The following ELF1 variants were observed in gnomAD, a reference collection of about 807,000 sequenced individuals.
The protein encoded by ELF1 is ETS-related transcription factor Elf-1.
In ELF1, 24 loss-of-function variants were observed where a neutral mutation model predicts 59.9. The observed-to-expected ratio is 0.40, with a 90% CI of 0.29 to 0.56. ELF1 has a LOEUF of 0.56. Ranked by LOEUF, ELF1 falls within the 20% of genes least tolerant of loss-of-function variation. ELF1 has a pLI of 0.44. For synonymous variants in ELF1, 248 were observed against 266.2 expected (o/e 0.93, Z 0.67); for missense variants, 627 against 742.2 (o/e 0.84, Z 1.80).
At position 40,940,908 on chromosome 13, in the gene ELF1, T is replaced by C. The variant is rs779171952; in HGVS notation, c.1256+13A>G. 1.3e-6 allele frequency: 2 copies of C among 1,597,782 alleles called. No homozygotes were observed. Among genetic ancestry groups the C allele is most frequent in the African/African-American group, 2.7e-5 (2 of 74,478 alleles). ...TATTGAAGTGATAAGCATCAGTAGT[T>C]TGGTTTTCTCACCTAATACTCTGAA... On this transcript the variant is annotated intron_variant, in intron 8 of 8. Transcript: ENST00000239882.
intron 1 of ELF1, among the ~76,000 whole-genome samples, chr13:40,985,647 C>T (rs1197438116): frequency 1.3e-5 from 2 of 152,154 alleles, no homozygotes; most frequent in East Asian, 3.8e-4. Flanking sequence ...TACATCAGTG[C>T]CCCTTGAAGT....
At chr13:41,010,457 C>T (rs913437789) in intron 1 of ELF1, among the ~76,000 whole-genome samples, 7 of 133,888 alleles carry the variant, frequency 5.2e-5, no homozygotes, top group South Asian at 2.8e-4. Context: ...ATCTCCCCCC[C>T]ACCCCCCCAA....
At chr13:40,983,270 T>C (rs1254027241) in intron 1 of ELF1, among the ~76,000 whole-genome samples, 1 of 152,218 alleles carries the variant, frequency 6.6e-6, no homozygotes, top group Admixed American at 6.5e-5. Context: ...ACAAACACTT[T>C]AAAAAAGAAG....
chr13:41,056,809 C>T (rs762892778), intron 1 of ELF1, among the ~76,000 whole-genome samples: 2 of 152,110 alleles, frequency 1.3e-5, no homozygotes, highest in Non-Finnish European at 2.9e-5. Context: ...GAGGAAGTCT[C>T]AAGCTAAAGT....
chr13:41,044,426 G>A (rs1210834432), intron 1 of ELF1, among the ~76,000 whole-genome samples: 5 of 152,096 alleles, frequency 3.3e-5, no homozygotes, highest in African/African-American at 1.2e-4. Flanking sequence ...ATTGGCTGTG[G>A]GTTTGTCATA....
chr13:41,050,076 T>A (rs914811830), intron 1 of ELF1, among the ~76,000 whole-genome samples: 2 of 152,186 alleles, frequency 1.3e-5, no homozygotes, highest in Non-Finnish European at 2.9e-5. Context: ...AAGTATACAG[T>A]TCAATAGTCT....
intron 2 of ELF1, 68 bp downstream of exon 2, chr13:40,981,915 A>C: frequency 3.9e-6 from 6 of 1,519,758 alleles, no homozygotes; most frequent in Non-Finnish European, 5.3e-6. Flanking sequence ...TAAAGGAAAT[A>C]ATTTTCTGAT....
chr13:40,938,359 A>C (rs1013049390), intron 8 of ELF1, among the ~76,000 whole-genome samples: 20 of 152,196 alleles, frequency 1.3e-4, no homozygotes, highest in Admixed American at 1.3e-3. Context: ...GCTTAACTGA[A>C]TCAACATAGA....
intron 1 of ELF1, among the ~76,000 whole-genome samples, chr13:41,043,075 T>C (rs1306895517): frequency 1.3e-5 from 2 of 152,260 alleles, no homozygotes; most frequent in East Asian, 3.8e-4. Flanking sequence ...CATTTTTTCA[T>C]GTATCTGTTG....
chr13:41,056,608 C>T (rs1322566276), intron 1 of ELF1, among the ~76,000 whole-genome samples: 2 of 152,118 alleles, frequency 1.3e-5, no homozygotes, highest in Non-Finnish European at 2.9e-5. Context: ...ATAAGGGTTC[C>T]AACTTCTTTA....
rs139235167 is a variant in ELF1 at position 40,933,542 on chromosome 13, G to A, written c.1743C>T (p.Asn581=). The A allele has an allele frequency of 8.1e-5, 131 of 1,614,200 alleles. No individual in the cohort carries two copies. The African/African-American group carries it at 8.7e-4, about 11-fold the overall frequency. ...GTGGCTGCTGCTCCGTTTTCTCAGT[G>A]TTCTCTTTCAAATGATCTTCAGATT... The part of the protein sequence containing the change: ...KKESEDHLKE[N]TEKTEQQPQP... The change falls in exon 9 of 9, where the codon AAC becomes AAT. Residue 581 remains asparagine, a synonymous_variant. Coordinates refer to ENST00000239882, the MANE Select transcript of ELF1 (RefSeq NM_172373.4).
At chr13:40,939,108 G>C (rs574180158) in intron 8 of ELF1, among the ~76,000 whole-genome samples, 1 of 152,242 alleles carries the variant, frequency 6.6e-6, no homozygotes, top group East Asian at 1.9e-4. Context: ...CAAGGTGGTA[G>C]GATTGCTTGG....
In ELF1 at chr13:40,957,505, A is replaced by T. The variant is rs546113989; in HGVS notation, c.253+1331T>A. 7.3e-5 allele frequency among the ~76,000 whole-genome samples: 11 copies of T among 150,500 alleles called. No homozygotes were observed. The South Asian group carries it at 2.1e-3, about 29-fold the overall frequency. ...TTGTTGAGAAAAAATAAATTTGTGCATTTAAAAAAAAAAAAAAGAAAAAAA... is the reference window on the plus strand; with the variant it reads ...TTGTTGAGAAAAAATAAATTTGTGCTTTTAAAAAAAAAAAAAAGAAAAAAA... On this transcript the variant is annotated intron_variant, in intron 3 of 8. Coordinates refer to ENST00000239882, the MANE Select transcript of ELF1 (RefSeq NM_172373.4).
At chr13:41,060,158 G>A (rs1218731503) in intron 1 of ELF1, among the ~76,000 whole-genome samples, 1 of 152,192 alleles carries the variant, frequency 6.6e-6, no homozygotes, top group African/African-American at 2.4e-5. Flanking sequence ...GCGGCGGAAA[G>A]GGGCGCCGGG....
chr13:41,026,429 G>C (rs942296124), intron 1 of ELF1, among the ~76,000 whole-genome samples: 3 of 152,314 alleles, frequency 2.0e-5, no homozygotes, highest in East Asian at 3.9e-4. Flanking sequence ...GCCCAGAATA[G>C]AAGGCTCTGT....
chr13:40,952,085 C>T (rs965377545), intron 3 of ELF1, among the ~76,000 whole-genome samples: 5 of 152,096 alleles, frequency 3.3e-5, no homozygotes, highest in African/African-American at 1.2e-4. Context: ...TGCCATTCAT[C>T]TGTCTAGCTT....
At chr13:41,028,913 T>C (rs1876054570) in intron 1 of ELF1, among the ~76,000 whole-genome samples, 1 of 151,842 alleles carries the variant, frequency 6.6e-6, no homozygotes, top group Admixed American at 6.6e-5. Context: ...TTTCCATTTT[T>C]ATTATTGTAT....
At chr13:41,018,059 C>A (rs1875520527) in intron 1 of ELF1, among the ~76,000 whole-genome samples, 3 of 152,116 alleles carry the variant, frequency 2.0e-5, no homozygotes, top group Admixed American at 2.0e-4. Flanking sequence ...ATCTGACAGG[C>A]CTTCAAGCAC....
At chr13:41,043,076 G>A (rs142806497) in intron 1 of ELF1, among the ~76,000 whole-genome samples, 1,701 of 152,278 alleles carry the variant, frequency 0.011, 38 homozygotes, top group African/African-American at 0.038. Flanking sequence ...ATTTTTTCAT[G>A]TATCTGTTGG....
Sources: gnomAD v4.1 joint callset for allele counts (sites outside exome capture counted in the v4.1 genomes callset) on GRCh38, gnomAD v4.1.1 for gene constraint, MANE v1.5 for transcripts, NCBI Gene and HGNC (gene_info 2026-07-23, HGNC 2026-07-21) for gene names.